The following FTO variants were observed in gnomAD, a reference collection of about 807,000 sequenced individuals.
FTO encodes the protein alpha-ketoglutarate-dependent dioxygenase FTO.
A neutral mutation model predicts 63.9 loss-of-function variants in FTO; 47 were observed. The observed-to-expected ratio is 0.74, with a 90% CI of 0.58 to 0.94. The LOEUF is 0.94. FTO is among the 40% of genes least tolerant of loss of function. FTO has a pLI of 0.00. For missense variants in FTO, 562 were observed against 618.1 expected (o/e 0.91, Z 0.96); for synonymous variants, 207 against 224.4 (o/e 0.92, Z 0.69).
chr16:53,881,276 T>C (rs2080826628), intron 6 of FTO, among the ~76,000 whole-genome samples: 1 of 152,106 alleles, frequency 6.6e-6, no homozygotes. Flanking sequence ...GGAGTTACAT[T>C]ATAGGAGAGG....
At chr16:53,825,690 C>T (rs1465931995) in intron 2 of FTO, among the ~76,000 whole-genome samples, 174 bp from the exon 3 acceptor site, 1 of 152,054 alleles carries the variant, frequency 6.6e-6, no homozygotes, top group Non-Finnish European at 1.5e-5. Context: ...AGTTTGATGA[C>T]ATTTGTTTTA....
At chr16:54,028,082 T>C (rs74019551) in intron 8 of FTO, among the ~76,000 whole-genome samples, 3,398 of 152,272 alleles carry the variant, frequency 0.022, 138 homozygotes, top group African/African-American at 0.078. Context: ...ATCTTATCTG[T>C]CAGCAGCACC....
intron 8 of FTO, among the ~76,000 whole-genome samples, chr16:54,059,205 A>G (rs2144376110): frequency 6.6e-6 from 1 of 152,350 alleles, no homozygotes; most frequent in East Asian, 1.9e-4. Context: ...AGCCGAGTGA[A>G]AAATGATCAG....
At chr16:53,735,611 G>A (rs1266981709) in intron 1 of FTO, among the ~76,000 whole-genome samples, 4 of 152,176 alleles carry the variant, frequency 2.6e-5, no homozygotes, top group Admixed American at 1.3e-4. Context: ...GGAAACTGTG[G>A]CAACTTGAGA....
At chr16:53,844,058 T>G in intron 3 of FTO, 97 bp from the exon 4 acceptor site, 1 of 930,890 alleles carries the variant, frequency 1.1e-6, no homozygotes, top group Non-Finnish European at 1.7e-6. Context: ...ATATTCATAT[T>G]TTATTAAAAT....
At chr16:53,897,157 G>A (rs374717965) in intron 7 of FTO, among the ~76,000 whole-genome samples, 64 of 152,090 alleles carry the variant, frequency 4.2e-4, no homozygotes, top group African/African-American at 1.5e-3. Flanking sequence ...ATTTTTAATA[G>A]CATGTTTTCC....
intron 1 of FTO, among the ~76,000 whole-genome samples, chr16:53,781,380 C>A (rs1400505699): frequency 6.6e-6 from 1 of 152,188 alleles, no homozygotes; most frequent in Non-Finnish European, 1.5e-5. Flanking sequence ...TAACATGACT[C>A]ATGAAATGTA....
intron 8 of FTO, chr16:54,071,566 T>C (rs1012178995): frequency 1.3e-5 from 2 of 152,200 alleles, no homozygotes; most frequent in Admixed American, 6.5e-5. Flanking sequence ...CCTTCTGGTG[T>C]AACCATCCCG....
In FTO at chr16:53,873,872, G is replaced by A; in HGVS notation, c.975+7G>A. On this transcript the variant is annotated splice_region_variant and intron_variant, in intron 5 of 8. Coordinates refer to ENST00000471389, the MANE Select transcript of FTO (RefSeq NM_001080432.3). ...CACCCACCGAGTGGCAGAGGTAAGTGTAAATAAAAATGTGATTCACACCTA... is the reference window on the plus strand; with the variant it reads ...CACCCACCGAGTGGCAGAGGTAAGTATAAATAAAAATGTGATTCACACCTA... 1 of 1,607,468 alleles carries A rather than the reference G, an allele frequency of 6.2e-7. No individual in the cohort carries two copies. Among genetic ancestry groups the A allele is most frequent in the Non-Finnish European group, 8.5e-7 (1 of 1,174,486 alleles).
At chr16:53,709,685 A>G (rs1278276563) in intron 1 of FTO, among the ~76,000 whole-genome samples, 4 of 152,224 alleles carry the variant, frequency 2.6e-5, no homozygotes, top group African/African-American at 7.2e-5. Flanking sequence ...AGTAGAACCT[A>G]GAGCTCTCAT....
chr16:54,050,635 G>T lies in FTO; in HGVS notation c.1365-61127G>T, dbSNP rs527267303. 1.4e-4 allele frequency among the ~76,000 whole-genome samples: 22 copies of T among 152,158 alleles called. No homozygotes were observed. The East Asian group carries it at 4.3e-3, about 29-fold the overall frequency. On this transcript the variant is annotated intron_variant, in intron 8 of 8. Transcript: ENST00000471389. ...CCACCTTTCTTGTCCTAAAGCAAGG[G>T]TTTACGTTTCCTCCCTGCATGGTAT... is the stretch of plus-strand genomic sequence containing the variant.
At chr16:53,942,604 G>A (rs933166776) in intron 8 of FTO, among the ~76,000 whole-genome samples, 12 of 152,190 alleles carry the variant, frequency 7.9e-5, no homozygotes, top group African/African-American at 2.7e-4. Context: ...GTAGGCAGCT[G>A]TTTTTTCCTG....
intron 4 of FTO, among the ~76,000 whole-genome samples, chr16:53,850,048 A>G (rs2079743742): frequency 1.3e-5 from 2 of 152,222 alleles, no homozygotes; most frequent in Admixed American, 1.3e-4. Flanking sequence ...ATTATACTTT[A>G]TTACCTCTCA....
At chr16:53,806,768 C>T (rs1022444381) in intron 1 of FTO, among the ~76,000 whole-genome samples, 2 of 152,040 alleles carry the variant, frequency 1.3e-5, no homozygotes, top group South Asian at 2.1e-4. Flanking sequence ...AATGAGTATC[C>T]TCATGCATAT....
intron 8 of FTO, among the ~76,000 whole-genome samples, chr16:54,054,826 C>T (rs1302497256): frequency 1.3e-5 from 2 of 152,114 alleles, no homozygotes; most frequent in Non-Finnish European, 2.9e-5. Context: ...ATCATAGAGA[C>T]GGCTGAGTGG....
intron 8 of FTO, among the ~76,000 whole-genome samples, chr16:53,972,881 G>A (rs889423769): frequency 6.6e-6 from 1 of 152,146 alleles, no homozygotes; most frequent in African/African-American, 2.4e-5. Flanking sequence ...CCACTGTAAA[G>A]CCATATGGAG....
At chr16:53,856,677 G>GAGAATCACTTGAACCCAGA (rs978836563) in intron 4 of FTO, among the ~76,000 whole-genome samples, 1 of 151,790 alleles carries the variant, frequency 6.6e-6, no homozygotes, top group African/African-American at 2.4e-5. Flanking sequence ...TTGAACCCAG[G>GAGAATCACTTGAACCCAGA]AGGCAGAGGT....
chr16:53,738,154 C>G (rs1305963051), intron 1 of FTO, among the ~76,000 whole-genome samples: 1 of 151,664 alleles, frequency 6.6e-6, no homozygotes, highest in Non-Finnish European at 1.5e-5. Flanking sequence ...TTCCGGGTAG[C>G]TGGGATTACA....
At chr16:54,099,468 C>T (rs776225601) in intron 8 of FTO, among the ~76,000 whole-genome samples, 4 of 152,126 alleles carry the variant, frequency 2.6e-5, no homozygotes, top group Admixed American at 6.6e-5. Flanking sequence ...TCCAACCAAG[C>T]GGCCTCCGAC....
Sources: allele counts gnomAD v4.1 joint callset (sites outside exome capture counted in the v4.1 genomes callset), GRCh38; gene constraint gnomAD v4.1.1; transcripts MANE v1.5; gene names NCBI Gene and HGNC (gene_info 2026-07-23, HGNC 2026-07-21).